Variants in TENT2 observed in about 807,000 individuals in gnomAD.
The protein encoded by TENT2 is terminal nucleotidyltransferase 2, also known as poly(A) RNA polymerase GLD2.
A neutral mutation model predicts 72.2 loss-of-function variants in TENT2; 44 were observed. The observed-to-expected ratio is 0.61, with a 90% CI of 0.48 to 0.78. TENT2 has a LOEUF of 0.78. TENT2 is among the 30% of genes least tolerant of loss of function. TENT2 has a pLI of 0.00. For missense variants in TENT2, 541 were observed against 569.6 expected, an observed-to-expected ratio of 0.95 and a Z score of 0.51; for synonymous variants, 212 against 192.5, an observed-to-expected ratio of 1.10 and a Z score of -0.84.
At chr5:79,614,530 A>G (rs1758007231) in intron 1 of TENT2, among the ~76,000 whole-genome samples, 2 of 152,236 alleles carry the variant, frequency 1.3e-5, no homozygotes, top group Non-Finnish European at 2.9e-5. Flanking sequence ...TTCATGGTCA[A>G]GTACAGATTG....
chr5:79,688,118 T>C lies in TENT2; in HGVS notation c.*2845T>C, dbSNP rs188906046. 1.1e-4 allele frequency among the ~76,000 whole-genome samples: 17 copies of C among 152,352 alleles called. No individual in the cohort carries two copies. In the East Asian group the frequency reaches 1.7e-3, roughly 16 times the overall value. On this transcript the variant is annotated 3_prime_UTR_variant, in exon 15 of 15. Transcript: ENST00000453514. ...CTGTAATTCAATGATTTACAGTTCATTACCTCCAGACATAATGCATGCATA... is the reference window on the plus strand; with the variant it reads ...CTGTAATTCAATGATTTACAGTTCACTACCTCCAGACATAATGCATGCATA...
chr5:79,680,203 C>A (rs1417888250), intron 13 of TENT2, among the ~76,000 whole-genome samples: 1 of 151,984 alleles, frequency 6.6e-6, no homozygotes, highest in African/African-American at 2.4e-5. Context: ...AAATTGAAGG[C>A]CTTTGTAAAT....
chr5:79,666,045 G>A (rs1375971652), intron 11 of TENT2, among the ~76,000 whole-genome samples: 2 of 150,964 alleles, frequency 1.3e-5, no homozygotes, highest in African/African-American at 4.9e-5. Flanking sequence ...ATGGAGTGCA[G>A]TGGCGTGGAT....
intron 11 of TENT2, among the ~76,000 whole-genome samples, chr5:79,660,736 A>G (rs1390977611): frequency 6.6e-6 from 1 of 152,144 alleles, no homozygotes; most frequent in African/African-American, 2.4e-5. Flanking sequence ...ACTTTTTATC[A>G]TTATTTGTGA....
At chr5:79,642,783 A>G in intron 6 of TENT2, 49 bp from the exon 7 acceptor site, 1 of 1,451,824 alleles carries the variant, frequency 6.9e-7, no homozygotes, top group Non-Finnish European at 9.5e-7. Context: ...AAAATGAAAC[A>G]TTAAACTTAG....
intron 10 of TENT2, among the ~76,000 whole-genome samples, chr5:79,649,441 CTT>C (rs1791900822): frequency 7.0e-6 from 1 of 142,454 alleles, no homozygotes; most frequent in African/African-American, 2.8e-5. Flanking sequence ...TTTCAAAGAA[CTT>C]TCACCACTGT....
At chr5:79,667,052 C>T (rs1269517152) in intron 11 of TENT2, among the ~76,000 whole-genome samples, 1 of 152,166 alleles carries the variant, frequency 6.6e-6, no homozygotes, top group Non-Finnish European at 1.5e-5. Flanking sequence ...GCCAAATTGT[C>T]GGTCTCAGGT....
intron 1 of TENT2, among the ~76,000 whole-genome samples, chr5:79,618,574 A>G (rs890861888): frequency 3.3e-5 from 5 of 151,808 alleles, no homozygotes; most frequent in Admixed American, 6.6e-5. Flanking sequence ...TATATATGCA[A>G]TGTCTTTTCA....
intron 10 of TENT2, among the ~76,000 whole-genome samples, chr5:79,652,256 C>T (rs946476178): frequency 6.6e-6 from 1 of 150,466 alleles, no homozygotes; most frequent in Non-Finnish European, 1.5e-5. Context: ...AAATTAATTA[C>T]GATATACCCT....
At chr5:79,637,282 G>A (rs1045244613) in intron 4 of TENT2, among the ~76,000 whole-genome samples, 1 of 151,738 alleles carries the variant, frequency 6.6e-6, no homozygotes, top group African/African-American at 2.4e-5. Flanking sequence ...CAAATACTTT[G>A]TATGGGAATT....
intron 14 of TENT2, among the ~76,000 whole-genome samples, chr5:79,683,565 G>A (rs62365242): frequency 0.12 from 18,073 of 151,906 alleles, 1,601 homozygotes; most frequent in African/African-American, 0.25. Flanking sequence ...ACAAGCTGTC[G>A]TTCAAATGAG....
chr5:79,682,446 ATTTTTT>A (rs397961608), intron 14 of TENT2, among the ~76,000 whole-genome samples: 1 of 136,298 alleles, frequency 7.3e-6, no homozygotes, highest in African/African-American at 2.7e-5. Context: ...CACCCAGCTA[ATTTTTT>A]TTTTTTTTTT....
intron 4 of TENT2, among the ~76,000 whole-genome samples, chr5:79,627,507 C>T (rs4635919): frequency 0.2 from 30,876 of 151,972 alleles, 4,635 homozygotes; most frequent in African/African-American, 0.42. Context: ...TTTTTTGAGA[C>T]AGAGTTTTGC....
chr5:79,676,163 T>TACACACACACAC (rs59618310), intron 12 of TENT2, among the ~76,000 whole-genome samples: 256 of 147,444 alleles, frequency 1.7e-3, no homozygotes, highest in South Asian at 4.5e-3. Flanking sequence ...TATATATGTA[T>TACACACACACAC]ACACACACAC....
At chr5:79,647,113 A>G (rs1463295914) in intron 8 of TENT2, among the ~76,000 whole-genome samples, 3 of 152,120 alleles carry the variant, frequency 2.0e-5, no homozygotes, top group Non-Finnish European at 4.4e-5. Context: ...ATATTTGGTT[A>G]TATCATTAAA....
chr5:79,647,678 G>C (rs1235423208), intron 8 of TENT2, among the ~76,000 whole-genome samples: 2 of 152,002 alleles, frequency 1.3e-5, no homozygotes, highest in Middle Eastern at 3.2e-3. Flanking sequence ...GAAATATTTT[G>C]TTTTTATTTT....
intron 11 of TENT2, among the ~76,000 whole-genome samples, chr5:79,659,556 GTATATATATATATATA>G (rs71855117): frequency 0.011 from 382 of 34,280 alleles, 27 homozygotes; most frequent in African/African-American, 0.042. Context: ...AAAAAAAAAT[GTATATATATATATATA>G]TATATATATA....
At chr5:79,646,817 G>A (rs922077613) in intron 8 of TENT2, among the ~76,000 whole-genome samples, 8 of 150,158 alleles carry the variant, frequency 5.3e-5, no homozygotes, top group African/African-American at 2.0e-4. Flanking sequence ...TGCCCAGGCT[G>A]GAGTGCAGTG....
chr5:79,620,773 A>G (rs541613072), intron 3 of TENT2, among the ~76,000 whole-genome samples: 2 of 152,304 alleles, frequency 1.3e-5, no homozygotes, highest in East Asian at 3.9e-4. Flanking sequence ...CTGAATTTCT[A>G]GGGGGACACA....
Sources: gnomAD v4.1 joint callset for allele counts (sites outside exome capture counted in the v4.1 genomes callset) on GRCh38, gnomAD v4.1.1 for gene constraint, MANE v1.5 for transcripts, NCBI Gene and HGNC (gene_info 2026-07-23, HGNC 2026-07-21) for gene names.